Variants in SMG6 observed in about 807,000 individuals in gnomAD.
SMG6 encodes telomerase-binding protein EST1A.
A neutral mutation model predicts 142.2 loss-of-function variants in SMG6; 66 were observed. The observed-to-expected ratio is 0.46, with a 90% CI of 0.38 to 0.57. The LOEUF is 0.57. Ranked by LOEUF, SMG6 falls within the 20% of genes least tolerant of loss-of-function variation. The probability of loss-of-function intolerance (pLI) is 0.00; values close to 1 mark genes in which losing one functional copy is unlikely to be tolerated. For synonymous variants in SMG6, 779 were observed against 702.4 expected (o/e 1.11, Z -1.72); for missense variants, 1,793 against 1,832.0 (o/e 0.98, Z 0.39).
At chr17:2,238,621 G>A (rs567981219) in intron 9 of SMG6, among the ~76,000 whole-genome samples, 1 of 152,312 alleles carries the variant, frequency 6.6e-6, no homozygotes, top group South Asian at 2.1e-4. Context: ...ATGTGTCTCC[G>A]TGTTGAAAGG....
intron 6 of SMG6, among the ~76,000 whole-genome samples, chr17:2,288,459 A>C (rs2074955647): frequency 1.3e-5 from 2 of 150,758 alleles, no homozygotes; most frequent in Non-Finnish European, 3.0e-5. Flanking sequence ...ATCTCTACTA[A>C]AAATACAAAA....
At chr17:2,153,382 TG>T (rs1281041545) in intron 13 of SMG6, among the ~76,000 whole-genome samples, 12 of 152,344 alleles carry the variant, frequency 7.9e-5, no homozygotes, top group Admixed American at 5.9e-4. Flanking sequence ...GGAAGGGAGC[TG>T]GTTGCATGAG....
chr17:2,079,525 A>G (rs1231804220), intron 15 of SMG6, among the ~76,000 whole-genome samples: 2 of 151,960 alleles, frequency 1.3e-5, no homozygotes, highest in African/African-American at 4.8e-5. Flanking sequence ...AATCCCAGCT[A>G]CTTGGGAGGC....
intron 9 of SMG6, among the ~76,000 whole-genome samples, chr17:2,238,618 T>C (rs1715322824): frequency 6.6e-6 from 1 of 152,148 alleles, no homozygotes; most frequent in African/African-American, 2.4e-5. Context: ...GCCATGTGTC[T>C]CCGTGTTGAA....
intron 10 of SMG6, among the ~76,000 whole-genome samples, chr17:2,219,740 T>C (rs2073118678): frequency 7.0e-6 from 1 of 142,906 alleles, no homozygotes; most frequent in Non-Finnish European, 1.5e-5. Flanking sequence ...CTGCAGTGAA[T>C]GCAATGAACT....
intron 10 of SMG6, among the ~76,000 whole-genome samples, chr17:2,232,496 C>G (rs924202456): frequency 4.6e-5 from 7 of 152,184 alleles, no homozygotes; most frequent in African/African-American, 1.7e-4. Context: ...TTTCCCAGAA[C>G]TGTTGCCTTC....
chr17:2,233,798 A>T (rs1268338711), intron 10 of SMG6, among the ~76,000 whole-genome samples: 1 of 152,156 alleles, frequency 6.6e-6, no homozygotes, highest in Non-Finnish European at 1.5e-5. Context: ...TCTTCCCACC[A>T]GCCAGCCCTG....
intron 15 of SMG6, among the ~76,000 whole-genome samples, chr17:2,079,862 G>A (rs2068364665): frequency 6.6e-6 from 1 of 151,976 alleles, no homozygotes; most frequent in Non-Finnish European, 1.5e-5. Context: ...ATCACCTGAG[G>A]TCAGGAGTTT....
chr17:2,217,739 G>T (rs117382393), intron 10 of SMG6, among the ~76,000 whole-genome samples: 1 of 152,098 alleles, frequency 6.6e-6, no homozygotes, highest in African/African-American at 2.4e-5. Context: ...CGCCGGGCAC[G>T]GTGGCTCACG....
At chr17:2,273,547 C>T (rs1214435550) in intron 8 of SMG6, among the ~76,000 whole-genome samples, 2 of 152,236 alleles carry the variant, frequency 1.3e-5, no homozygotes, top group South Asian at 2.1e-4. Context: ...GCAGGAGAAT[C>T]GTTTGAACCG....
Position 2,085,689 on chromosome 17 carries a change from T to C in SMG6, c.3534+36A>G. ...CCACGAGCAGAATGGGGAGGGGGCC[T>C]TCCCTCTGCCACAGCGGGCTCTTCC... On this transcript the variant is annotated intron_variant, in intron 14 of 18. Coordinates refer to ENST00000263073, the MANE Select transcript of SMG6 (RefSeq NM_017575.5). This position sits in a 1 kb window ranked among gnomAD's most constrained non-coding sequence, Gnocchi z 4.1. 1 of 1,587,044 alleles carries C rather than the reference T, an allele frequency of 6.3e-7. No individual in the cohort carries two copies. Among genetic ancestry groups the C allele is most frequent in the Non-Finnish European group, 8.6e-7 (1 of 1,166,174 alleles).
chr17:2,276,839 T>C (rs1221519459), intron 8 of SMG6, among the ~76,000 whole-genome samples: 1 of 152,172 alleles, frequency 6.6e-6, no homozygotes, highest in Non-Finnish European at 1.5e-5. Context: ...TGGAGTGCAA[T>C]GGCACAATCT....
At position 2,068,506 on chromosome 17, in the gene SMG6, A is replaced by G. The variant is rs1379306796; in HGVS notation, c.3835+272T>C. Among the ~76,000 whole-genome samples, 1 of 152,248 alleles carries G rather than the reference A, an allele frequency of 6.6e-6. No homozygotes were observed. The highest frequency in any genetic ancestry group is 1.9e-4 in the East Asian group (1 of 5,208). ...GTTTTACTGCAAGCTTTATAAGGAT[A>G]AAAACAAGGGCTGGGCTCATGCAGC... is the stretch of plus-strand genomic sequence containing the variant. On this transcript the variant is annotated intron_variant, in intron 16 of 18. Transcript: ENST00000263073. This position sits in a 1 kb window ranked among gnomAD's most constrained non-coding sequence, Gnocchi z 6.7.
intron 1 of SMG6, among the ~76,000 whole-genome samples, chr17:2,301,862 C>T (rs933825630): frequency 6.6e-6 from 1 of 152,142 alleles, no homozygotes; most frequent in Non-Finnish European, 1.5e-5. Context: ...AAAAAAGTAT[C>T]TGTTACCGTT....
intron 13 of SMG6, among the ~76,000 whole-genome samples, chr17:2,170,831 C>A (rs1261468516): frequency 6.6e-6 from 1 of 152,010 alleles, no homozygotes; most frequent in African/African-American, 2.4e-5. Context: ...ATACACTATT[C>A]ATAACTGTAA....
At chr17:2,290,784 A>C (rs1289845954) in intron 6 of SMG6, among the ~76,000 whole-genome samples, 1 of 152,186 alleles carries the variant, frequency 6.6e-6, no homozygotes, top group African/African-American at 2.4e-5. Context: ...ATGGGCAAAA[A>C]AGTAGTGGGG....
intron 2 of SMG6, 125 bp downstream of exon 2, chr17:2,298,781 A>T: frequency 2.3e-6 from 2 of 852,786 alleles, no homozygotes; most frequent in Non-Finnish European, 3.6e-6. Context: ...CCCTTCCCTT[A>T]CAACGTGAAA....
chr17:2,116,767 A>G (rs1415665823), intron 13 of SMG6, among the ~76,000 whole-genome samples: 5 of 152,090 alleles, frequency 3.3e-5, no homozygotes, highest in Admixed American at 2.6e-4. Flanking sequence ...AAAACCCTGA[A>G]AAGATGAACC....
intron 8 of SMG6, among the ~76,000 whole-genome samples, chr17:2,277,171 T>A (rs1463233383): frequency 3.2e-5 from 2 of 63,384 alleles, no homozygotes; most frequent in East Asian, 2.7e-4. Flanking sequence ...ATTTATTTTT[T>A]ATTTTTTTTT....
Sources: allele counts gnomAD v4.1 joint callset (sites outside exome capture counted in the v4.1 genomes callset), GRCh38; gene constraint gnomAD v4.1.1; non-coding constraint Gnocchi (gnomAD v3.1); transcripts MANE v1.5; gene names NCBI Gene and HGNC (gene_info 2026-07-23, HGNC 2026-07-21).